The following ATXN1 variants were observed in gnomAD, a reference collection of about 807,000 sequenced individuals.
The protein encoded by ATXN1 is ataxin 1, also known as ataxin-1.
Under a neutral mutation model 56.4 loss-of-function variants are expected in ATXN1, and 8 were observed. That is an observed-to-expected ratio of 0.14 (90% CI 0.08 to 0.26). The LOEUF (loss-of-function observed/expected upper bound fraction) is 0.26. Among genes scored for constraint, ATXN1 ranks in the 10% least tolerant of loss-of-function variants. The pLI, the probability that ATXN1 is intolerant of heterozygous loss-of-function variation, is 1.00. For synonymous variants in ATXN1, 514 were observed against 494.6 expected, an observed-to-expected ratio of 1.04 and a Z score of -0.52; for missense variants, 987 against 1,106.5, an observed-to-expected ratio of 0.89 and a Z score of 1.53.
At chr6:16,742,748 TAAGA>T (rs1561833625) in intron 2 of ATXN1, among the ~76,000 whole-genome samples, 1 of 152,160 alleles carries the variant, frequency 6.6e-6, no homozygotes, top group African/African-American at 2.4e-5. Flanking sequence ...AGGGCACAGA[TAAGA>T]TTAGATGGAC....
chr6:16,559,926 A>G (rs1031143670), intron 4 of ATXN1, among the ~76,000 whole-genome samples: 16 of 152,064 alleles, frequency 1.1e-4, no homozygotes, highest in African/African-American at 3.9e-4. Context: ...ACTTTTCCCA[A>G]ATAGAGGCAT....
intron 6 of ATXN1, among the ~76,000 whole-genome samples, chr6:16,455,191 T>C (rs1759840106): frequency 6.6e-6 from 1 of 152,046 alleles, no homozygotes; most frequent in African/African-American, 2.4e-5. Flanking sequence ...AAAAAAGAAG[T>C]AACCACACAA....
intron 2 of ATXN1, among the ~76,000 whole-genome samples, chr6:16,706,488 G>T (rs547179763): frequency 6.6e-6 from 1 of 152,280 alleles, no homozygotes; most frequent in Admixed American, 6.5e-5. Context: ...ACTTTGGGAG[G>T]CCGAGGCAAG....
Position 16,327,678 on chromosome 6 carries a change from A to ATGCTGATGCTGCTGCTGCTGCTGC in ATXN1, c.609_632dup (p.Gln203_Gln210dup). 9.9e-7 allele frequency: 1 copy of ATGCTGATGCTGCTGCTGCTGCTGC among 1,009,256 alleles called. No homozygotes were observed. Among genetic ancestry groups the ATGCTGATGCTGCTGCTGCTGCTGC allele is most frequent in the Non-Finnish European group, 1.4e-6 (1 of 725,718 alleles). The allele number at this position is 1,009,256 out of a possible 1,614,324, so 62.5% of individuals were successfully genotyped here. On this transcript the variant is annotated inframe_insertion, in exon 7 of 8. Coordinates refer to ENST00000436367, the MANE Select transcript of ATXN1 (RefSeq NM_001128164.2). Reference sequence around the variant, plus strand: ...GCTGCTGCTGCTGCTGCTGCTGCTGATGCTGATGCTGCTGCTGCTGCTGCT... The same window carrying ATGCTGATGCTGCTGCTGCTGCTGC: ...GCTGCTGCTGCTGCTGCTGCTGCTGATGCTGATGCTGCTGCTGCTGCTGCTGCTGATGCTGCTGCTGCTGCTGCT...
chr6:16,570,972 C>A (rs1008263008), intron 4 of ATXN1, among the ~76,000 whole-genome samples: 1 of 141,510 alleles, frequency 7.1e-6, no homozygotes, highest in Non-Finnish European at 1.6e-5. Flanking sequence ...AGAGAAGTGA[C>A]CTGTTTGATG....
chr6:16,579,181 G>C lies in ATXN1; in HGVS notation c.-361+6599C>G, dbSNP rs562197009. Among the ~76,000 whole-genome samples the C allele has an allele frequency of 2.0e-5, 3 of 152,256 alleles. No homozygotes were observed. The East Asian group carries it at 5.8e-4, about 29-fold the overall frequency. On this transcript the variant is annotated intron_variant, in intron 4 of 7. Transcript: ENST00000436367. Reference sequence around the variant, plus strand: ...AGGGTTGCCTTTGTGCATGAACAGAGTGTTTTTGTTTTGGTTTGTTTTATT... The same window carrying C: ...AGGGTTGCCTTTGTGCATGAACAGACTGTTTTTGTTTTGGTTTGTTTTATT...
At chr6:16,342,461 G>C (rs1761271936) in intron 6 of ATXN1, among the ~76,000 whole-genome samples, 1 of 152,054 alleles carries the variant, frequency 6.6e-6, no homozygotes, top group Non-Finnish European at 1.5e-5. Context: ...AAAACATTTT[G>C]GCAGTTCCTC....
intron 4 of ATXN1, among the ~76,000 whole-genome samples, chr6:16,580,253 T>C (rs1361361838): frequency 6.6e-6 from 1 of 152,246 alleles, no homozygotes; most frequent in Non-Finnish European, 1.5e-5. Context: ...CTGAATCCTA[T>C]AATGTCAAAA....
At chr6:16,698,009 C>T (rs1759202650) in intron 2 of ATXN1, among the ~76,000 whole-genome samples, 1 of 152,186 alleles carries the variant, frequency 6.6e-6, no homozygotes, top group African/African-American at 2.4e-5. Flanking sequence ...ATATCTCACC[C>T]ACAGTGCTTT....
intron 6 of ATXN1, among the ~76,000 whole-genome samples, chr6:16,414,199 C>T (rs1050602962): frequency 4.6e-5 from 7 of 152,310 alleles, no homozygotes; most frequent in African/African-American, 9.6e-5. Context: ...GGTACAGGAA[C>T]GGATTTCTGC....
chr6:16,677,301 G>T (rs1004176233), intron 2 of ATXN1, among the ~76,000 whole-genome samples: 2 of 152,054 alleles, frequency 1.3e-5, no homozygotes, highest in Non-Finnish European at 2.9e-5. Flanking sequence ...TCTATTTTTT[G>T]ATTCCCCTCC....
intron 7 of ATXN1, among the ~76,000 whole-genome samples, chr6:16,322,701 T>C (rs1581687998): frequency 6.6e-6 from 1 of 152,098 alleles, no homozygotes; most frequent in Non-Finnish European, 1.5e-5. Context: ...CTTTGGAACC[T>C]CAATTAAGTC....
intron 2 of ATXN1, among the ~76,000 whole-genome samples, chr6:16,720,191 C>T (rs894091160): frequency 6.6e-6 from 1 of 152,192 alleles, no homozygotes. Context: ...GCTCCTATAC[C>T]TTACTGCAGT....
At chr6:16,342,343 A>T (rs71554573) in intron 6 of ATXN1, among the ~76,000 whole-genome samples, 12,593 of 147,138 alleles carry the variant, frequency 0.086, 917 homozygotes, top group East Asian at 0.41. Context: ...TCTTTTTTTT[A>T]AAAAAAAAAA....
chr6:16,432,332 C>T (rs1405174751), intron 6 of ATXN1, among the ~76,000 whole-genome samples: 1 of 152,202 alleles, frequency 6.6e-6, no homozygotes, highest in East Asian at 1.9e-4. Context: ...AGAATATCAT[C>T]ATGAAATCAA....
At chr6:16,447,194 G>T (rs1295586360) in intron 6 of ATXN1, among the ~76,000 whole-genome samples, 1 of 152,046 alleles carries the variant, frequency 6.6e-6, no homozygotes, top group Non-Finnish European at 1.5e-5. Flanking sequence ...AATAGCAAAG[G>T]TATTTTTTAA....
At chr6:16,553,152 T>A (rs1484988611) in intron 4 of ATXN1, among the ~76,000 whole-genome samples, 1 of 152,206 alleles carries the variant, frequency 6.6e-6, no homozygotes, top group East Asian at 1.9e-4. Context: ...GGACACAGCA[T>A]AAAGAAAACT....
At chr6:16,614,198 T>C (rs1763163973) in intron 3 of ATXN1, among the ~76,000 whole-genome samples, 1 of 151,802 alleles carries the variant, frequency 6.6e-6, no homozygotes, top group African/African-American at 2.4e-5. Flanking sequence ...AGTCTTTTTG[T>C]CATCATCGCA....
intron 3 of ATXN1, among the ~76,000 whole-genome samples, chr6:16,587,385 G>A (rs1762644311): frequency 6.6e-6 from 1 of 152,190 alleles, no homozygotes; most frequent in Non-Finnish European, 1.5e-5. Flanking sequence ...ATACAGCCAT[G>A]TCTTAAAAAA....
Sources: gnomAD v4.1 joint callset for allele counts (sites outside exome capture counted in the v4.1 genomes callset) on GRCh38, gnomAD v4.1.1 for gene constraint, MANE v1.5 for transcripts, NCBI Gene and HGNC (gene_info 2026-07-23, HGNC 2026-07-21) for gene names.